Variants in TMEM141 observed in about 807,000 individuals in gnomAD.
TMEM141 encodes the protein transmembrane protein 141.
In TMEM141, 18 loss-of-function variants were observed where a neutral mutation model predicts 15.9. The observed-to-expected ratio is 1.13, with a 90% CI of 0.78 to 1.68. The LOEUF is 1.68. Ranked by LOEUF, TMEM141 falls within the 40% of genes most tolerant of loss-of-function variation. The probability of loss-of-function intolerance (pLI) is 0.00; values close to 1 mark genes in which losing one functional copy is unlikely to be tolerated. For missense variants in TMEM141, 161 were observed against 139.5 expected, an observed-to-expected ratio of 1.15 and a Z score of -0.78; for synonymous variants, 69 against 54.0, an observed-to-expected ratio of 1.28 and a Z score of -1.22.
intron 1 of TMEM141, 78 bp downstream of exon 1, chr9:136,791,502 GT>G: frequency 1.3e-6 from 2 of 1,547,032 alleles, no homozygotes; most frequent in Non-Finnish European, 1.7e-6. Flanking sequence ...GGGCGTGGGG[GT>G]GCCCTCGTCA....
Position 136,792,260 on chromosome 9 carries a change from C to T in TMEM141, c.215C>T (p.Ser72Phe), listed in dbSNP as rs1382390562. The T allele has an allele frequency of 1.9e-6, 3 of 1,582,730 alleles. No individual in the cohort carries two copies. The highest frequency in any genetic ancestry group is 1.8e-5 in the Admixed American group (1 of 55,328). ...ATTTCCTGCTCCACAGTTGCAGGCT[C>T]TGTGGTCAGCTACGGGGTGACGAGA... is the stretch of plus-strand genomic sequence containing the variant. The part of the protein sequence containing the change: ...WSLLVAVVAG[S>F]VVSYGVTRVE... Residue 72 changes from serine (S) to phenylalanine (F), a missense_variant, in exon 4 of 5, where the codon TCT (serine) becomes TTT (phenylalanine). By Grantham distance (155) the Ser-to-Phe change is radical. Transcript: ENST00000290079.
chr9:136,791,706 C>T lies in TMEM141; in HGVS notation c.55-5C>T. The stretch of plus-strand genomic sequence containing the variant: ...TCGAGCCTTCACCCGCCTCTGCCAC[C>T]CCAGGGACTCGGGGAGTATGCCGCA... On this transcript the variant is annotated splice_polypyrimidine_tract_variant and splice_region_variant and intron_variant, in intron 1 of 4. Transcript: ENST00000290079. 1.9e-6 allele frequency: 3 copies of T among 1,612,888 alleles called. No individual in the cohort carries two copies. Among genetic ancestry groups the T allele is most frequent in the Non-Finnish European group, 2.5e-6 (3 of 1,179,738 alleles).
In TMEM141 at chr9:136,792,996, C is replaced by T; in HGVS notation, c.*164C>T. 7.2e-6 allele frequency: 7 copies of T among 973,712 alleles called. No homozygotes were observed. Among genetic ancestry groups the T allele is most frequent in the Non-Finnish European group, 9.3e-6 (7 of 751,656 alleles). 60.3% of individuals were successfully genotyped at this position (973,712 alleles called of 1,614,324 possible). A position where few individuals can be genotyped will look rare whatever the true frequency, so the allele number is the denominator to read the frequency against. On this transcript the variant is annotated 3_prime_UTR_variant, in exon 5 of 5. Coordinates refer to ENST00000290079, the MANE Select transcript of TMEM141 (RefSeq NM_032928.4). Reference sequence around the variant, plus strand: ...CCTGACAAACACCTGCAGATGGCTGCTGCCCCAACCTGGGACCTGCCCAGG... The same window carrying T: ...CCTGACAAACACCTGCAGATGGCTGTTGCCCCAACCTGGGACCTGCCCAGG...
At position 136,792,370 on chromosome 9, in the gene TMEM141, TG is replaced by T; in HGVS notation, c.313+17del. ...AGACAGGAGCACAGGTGAGAGAGCC[TG>T]GGGGTTAGCGAGAAGTGAATGCCAC... On this transcript the variant is annotated intron_variant, in intron 4 of 4. Transcript: ENST00000290079. 3.2e-6 allele frequency: 5 copies of T among 1,558,992 alleles called. No individual in the cohort carries two copies. In the South Asian group the frequency reaches 5.9e-5, roughly 18 times the overall value.
rs956306593 is a variant in TMEM141 at position 136,791,726 on chromosome 9, GC to G, written c.72del (p.Ala25HisfsTer8). 3.7e-6 allele frequency: 6 copies of G among 1,613,192 alleles called. No homozygotes were observed. Among genetic ancestry groups the G allele is most frequent in the Non-Finnish European group, 5.1e-6 (6 of 1,179,926 alleles). On this transcript the variant is annotated frameshift_variant, in exon 2 of 5. Coordinates refer to ENST00000290079, the MANE Select transcript of TMEM141 (RefSeq NM_032928.4). LOFTEE classifies it high-confidence loss of function. ...GCCACCCCAGGGACTCGGGGAGTATGCCGCATGCCAGTCACACGCCTTCATG... is the reference window on the plus strand; with the variant it reads ...GCCACCCCAGGGACTCGGGGAGTATGCGCATGCCAGTCACACGCCTTCATG... ...AAKHPGLGEY[A>X]ACQSHAFMKG...
At chr9:136,792,721 C>G (rs1219385935) in intron 4 of TMEM141, 98 bp from the exon 5 acceptor site, 1 of 965,860 alleles carries the variant, frequency 1.0e-6, no homozygotes, top group Non-Finnish European at 1.6e-6. Context: ...GCCCGTTGTC[C>G]TTGTTACGGA....
chr9:136,791,712 G>T lies in TMEM141; in HGVS notation c.56G>T (p.Gly19Val). Reference protein sequence around the residue: ...VDDAVAAKHPGLGEYAACQSH... With the variant: ...VDDAVAAKHPVLGEYAACQSH... ...CTTCACCCGCCTCTGCCACCCCAGG[G>T]ACTCGGGGAGTATGCCGCATGCCAG... is the stretch of plus-strand genomic sequence containing the variant. Residue 19 changes from glycine to valine, a missense_variant and splice_region_variant, in exon 2 of 5, where the codon GGA (glycine) becomes GTA (valine). Physicochemically the swap from Gly to Val is moderately radical, Grantham distance 109. Coordinates refer to ENST00000290079, the MANE Select transcript of TMEM141 (RefSeq NM_032928.4). The T allele has an allele frequency of 7.4e-6, 12 of 1,613,152 alleles. No homozygotes were observed. Among genetic ancestry groups the T allele is most frequent in the Non-Finnish European group, 1.0e-5 (12 of 1,179,868 alleles).
In TMEM141 at chr9:136,792,041, C is replaced by T. The variant is rs772579153; in HGVS notation, c.205+11C>T. 8 of 1,613,564 alleles carry T rather than the reference C, an allele frequency of 5.0e-6. No individual in the cohort carries two copies. Among genetic ancestry groups the T allele is most frequent in the Non-Finnish European group, 6.8e-6 (8 of 1,179,886 alleles). ...TCCTAGTGGCCGTGGGTGGGTACTC[C>T]AGGGCCCCTGCCTGGGCTCTTTGAG... is the stretch of plus-strand genomic sequence containing the variant. On this transcript the variant is annotated intron_variant, in intron 3 of 4. Coordinates refer to ENST00000290079, the MANE Select transcript of TMEM141 (RefSeq NM_032928.4).
In TMEM141 at chr9:136,791,385, T is replaced by C. The variant is rs761860586; in HGVS notation, c.15T>C (p.Gly5=). 1.9e-6 allele frequency: 3 copies of C among 1,561,524 alleles called. No individual in the cohort carries two copies. Among genetic ancestry groups the C allele is most frequent in the Non-Finnish European group, 8.7e-7 (1 of 1,153,258 alleles). Residue 5 remains glycine (G), a synonymous_variant, in exon 1 of 5, where the codon GGT becomes GGC. Coordinates refer to ENST00000290079, the MANE Select transcript of TMEM141 (RefSeq NM_032928.4). ...CCCTGCCAACCATGGTGAACTTGGG[T>C]CTGTCCCGGGTGGACGACGCCGTGG... MVNL[G]LSRVDDAVAA...
chr9:136,792,062 T>C, intron 3 of TMEM141, 32 bp downstream of exon 3: 1 of 1,612,040 alleles, frequency 6.2e-7, no homozygotes. Context: ...CCTGGGCTCT[T>C]TGAGGGGTGG....
Position 136,792,315 on chromosome 9 carries a change from G to C in TMEM141, c.270G>C (p.Trp90Cys), listed in dbSNP as rs1847599646. 1 of 1,587,974 alleles carries C rather than the reference G, an allele frequency of 6.3e-7. No individual in the cohort carries two copies. The highest frequency in any genetic ancestry group is 8.6e-7 in the Non-Finnish European group (1 of 1,166,788). The change falls in exon 4 of 5, where the codon TGG (tryptophan) becomes TGC (cysteine). Residue 90 changes from tryptophan to cysteine, a missense_variant. By Grantham distance (215) the Trp-to-Cys change is radical (BLOSUM62 -2). Transcript: ENST00000290079. ...AGTCGGAGAAATGCAACAACCTCTG[G>C]CTCTTCCTGGAGACCGGGCAGCTCC... Reference protein sequence around the residue: ...RVESEKCNNLWLFLETGQLPK... With the variant: ...RVESEKCNNLCLFLETGQLPK...
chr9:136,792,802 CTCTT>C lies in TMEM141; in HGVS notation c.314-15_314-12del. Reference sequence around the variant, plus strand: ...CGATGGATGTGGTTCGAGCTTGTCTCTCTTTGCCTTTTACAGATCAGAGAAGCTA... The same window carrying C: ...CGATGGATGTGGTTCGAGCTTGTCTCTGCCTTTTACAGATCAGAGAAGCTA... On this transcript the variant is annotated splice_polypyrimidine_tract_variant and intron_variant, in intron 4 of 4. Transcript: ENST00000290079. 6.4e-7 allele frequency: 1 copy of C among 1,558,748 alleles called. No homozygotes were observed. Among genetic ancestry groups the C allele is most frequent in the Non-Finnish European group, 8.7e-7 (1 of 1,150,700 alleles).
chr9:136,793,144 G>A lies in TMEM141; in HGVS notation c.*312G>A, dbSNP rs1033065838. On this transcript the variant is annotated 3_prime_UTR_variant, in exon 5 of 5. Coordinates refer to ENST00000290079, the MANE Select transcript of TMEM141 (RefSeq NM_032928.4). ...GCCACCACCTATGGGACACGGGGTC[G>A]AAGGGGCCTGTACACTCTGTCATTT... is the stretch of plus-strand genomic sequence containing the variant. 2.2e-5 allele frequency: 5 copies of A among 225,310 alleles called. No individual in the cohort carries two copies. Among genetic ancestry groups the A allele is most frequent in the African/African-American group, 6.8e-5 (3 of 43,964 alleles). 14.0% of individuals were successfully genotyped at this position (225,310 alleles called of 1,614,324 possible). A position where few individuals can be genotyped will look rare whatever the true frequency, so the allele number is the denominator to read the frequency against.
rs532782202 is a variant in TMEM141, at chr9:136,792,955, C to G, written c.*123C>G. 5 of 1,287,944 alleles carry G rather than the reference C, an allele frequency of 3.9e-6. No individual in the cohort carries two copies. In the Admixed American group the frequency reaches 1.4e-4, roughly 35 times the overall value. 79.8% of individuals were successfully genotyped at this position (1,287,944 alleles called of 1,614,324 possible). A position where few individuals can be genotyped will look rare whatever the true frequency, so the allele number is the denominator to read the frequency against. On this transcript the variant is annotated 3_prime_UTR_variant, in exon 5 of 5. Coordinates refer to ENST00000290079, the MANE Select transcript of TMEM141 (RefSeq NM_032928.4). The stretch of plus-strand genomic sequence containing the variant: ...GGGTACCCCAGTCGTATCCTCTGTC[C>G]GCATGTGTGGCCAGGCCTGACAAAC...
chr9:136,793,048 G>A lies in TMEM141; in HGVS notation c.*216G>A. On this transcript the variant is annotated 3_prime_UTR_variant, in exon 5 of 5. Transcript: ENST00000290079. ...GGTTGGAGCAGAAAGGGCTCTCCCT[G>A]GGGTGGTGTTTCTCCTCTAGGGTAT... 2.1e-6 allele frequency: 1 copy of A among 469,256 alleles called. No individual in the cohort carries two copies. Among genetic ancestry groups the A allele is most frequent in the Non-Finnish European group, 3.3e-6 (1 of 299,150 alleles). 29.1% of individuals were successfully genotyped at this position (469,256 alleles called of 1,614,324 possible).
chr9:136,791,586 T>C, intron 1 of TMEM141, 125 bp from the exon 2 acceptor site: 1 of 1,565,610 alleles, frequency 6.4e-7, no homozygotes, highest in South Asian at 1.2e-5. Context: ...ATAGGGGAGG[T>C]GGGACGTGTC....
chr9:136,793,009 G>A lies in TMEM141; in HGVS notation c.*177G>A. The A allele has an allele frequency of 1.2e-6, 1 of 832,638 alleles. No homozygotes were observed. The allele number at this position is 832,638 out of a possible 1,614,324, so 51.6% of individuals were successfully genotyped here. On this transcript the variant is annotated 3_prime_UTR_variant, in exon 5 of 5. Coordinates refer to ENST00000290079, the MANE Select transcript of TMEM141 (RefSeq NM_032928.4). The stretch of plus-strand genomic sequence containing the variant: ...TGCAGATGGCTGCTGCCCCAACCTG[G>A]GACCTGCCCAGGAGGTTGGAGCAGA...
chr9:136,792,468 C>A, intron 4 of TMEM141, 110 bp downstream of exon 4: 3 of 912,570 alleles, frequency 3.3e-6, no homozygotes, highest in Non-Finnish European at 5.1e-6. Context: ...AGGTCCCTCC[C>A]TCTGGCCCGG....
chr9:136,791,845 G>A, intron 2 of TMEM141, 68 bp downstream of exon 2: 3 of 1,608,012 alleles, frequency 1.9e-6, no homozygotes, highest in Admixed American at 3.4e-5. Flanking sequence ...TGACTCCCCA[G>A]CAGGGGGCGC....
Sources: allele counts gnomAD v4.1 joint callset, GRCh38; gene constraint gnomAD v4.1.1; transcripts MANE v1.5; gene names NCBI Gene and HGNC (gene_info 2026-07-23, HGNC 2026-07-21).